Variants in ASIC2 observed in about 807,000 individuals in gnomAD.
ASIC2 encodes the protein acid sensing ion channel subunit 2, also known as acid-sensing ion channel 2.
Under a neutral mutation model 57.3 loss-of-function variants are expected in ASIC2, and 25 were observed. The observed-to-expected ratio is 0.44, with a 90% confidence interval of 0.32 to 0.61. The LOEUF is 0.61. ASIC2 is among the 20% of genes least tolerant of loss of function. The pLI is 0.06. For synonymous variants in ASIC2, 319 were observed against 307.5 expected, an observed-to-expected ratio of 1.04 and a Z score of -0.39; for missense variants, 641 against 738.1, an observed-to-expected ratio of 0.87 and a Z score of 1.52.
chr17:33,587,571 T>C (rs1178272347), intron 1 of ASIC2, among the ~76,000 whole-genome samples: 2 of 152,352 alleles, frequency 1.3e-5, no homozygotes, highest in East Asian at 3.9e-4. Flanking sequence ...TTGACTGCCA[T>C]GATTGGCTTA....
At chr17:34,063,801 A>T (rs1410986286) in intron 1 of ASIC2, among the ~76,000 whole-genome samples, 1 of 152,198 alleles carries the variant, frequency 6.6e-6, no homozygotes, top group Non-Finnish European at 1.5e-5. Context: ...TAAAAGACTT[A>T]GGAACATACC....
chr17:33,204,010 A>G (rs753789457), intron 1 of ASIC2, among the ~76,000 whole-genome samples: 19 of 152,178 alleles, frequency 1.2e-4, no homozygotes, highest in Non-Finnish European at 2.4e-4. Context: ...TCAAGCTGCT[A>G]TTTGGTTGGC....
intron 1 of ASIC2, among the ~76,000 whole-genome samples, chr17:33,127,022 C>G (rs375148764): frequency 1.3e-5 from 2 of 150,628 alleles, no homozygotes; most frequent in Non-Finnish European, 3.0e-5. Flanking sequence ...CGCCCGCCAC[C>G]GCGCCCGGCT....
intron 1 of ASIC2, among the ~76,000 whole-genome samples, chr17:33,754,957 C>CAAAAA (rs58392305): frequency 1.7e-3 from 97 of 57,700 alleles, no homozygotes; most frequent in Non-Finnish European, 2.1e-3. Context: ...GACTCCATCT[C>CAAAAA]AAAAAAAAAA....
intron 1 of ASIC2, among the ~76,000 whole-genome samples, chr17:33,426,866 A>T (rs969740431): frequency 2.0e-5 from 3 of 152,212 alleles, no homozygotes; most frequent in African/African-American, 7.2e-5. Context: ...GGAAAAAACA[A>T]GGTGCTATGG....
At chr17:33,500,691 G>A (rs905859058) in intron 1 of ASIC2, among the ~76,000 whole-genome samples, 6 of 152,206 alleles carry the variant, frequency 3.9e-5, no homozygotes, top group African/African-American at 7.2e-5. Context: ...TGTGGGCAAC[G>A]TTCTGAAACT....
intron 3 of ASIC2, among the ~76,000 whole-genome samples, chr17:33,040,254 C>T (rs1466203086): frequency 6.6e-6 from 1 of 152,228 alleles, no homozygotes; most frequent in Non-Finnish European, 1.5e-5. Context: ...TGAAGAGACA[C>T]ACTCCAATGA....
intron 1 of ASIC2, among the ~76,000 whole-genome samples, chr17:33,994,653 T>G (rs1906098916): frequency 6.6e-6 from 1 of 152,098 alleles, no homozygotes; most frequent in African/African-American, 2.4e-5. Flanking sequence ...AGGACTGAAT[T>G]TTGCAAACTC....
At chr17:34,009,615 C>T (rs1906646513) in intron 1 of ASIC2, among the ~76,000 whole-genome samples, 1 of 152,162 alleles carries the variant, frequency 6.6e-6, no homozygotes, top group Non-Finnish European at 1.5e-5. Flanking sequence ...ATGAGGCTCA[C>T]ATTATATTTC....
At chr17:33,541,696 G>A (rs1915416098) in intron 1 of ASIC2, among the ~76,000 whole-genome samples, 2 of 152,112 alleles carry the variant, frequency 1.3e-5, no homozygotes, top group African/African-American at 4.8e-5. Flanking sequence ...AAAGGAGTGA[G>A]CCACCTTCAT....
intron 1 of ASIC2, among the ~76,000 whole-genome samples, chr17:34,153,758 C>G (rs930289854): frequency 2.6e-5 from 4 of 152,152 alleles, no homozygotes; most frequent in Admixed American, 1.3e-4. Flanking sequence ...AGAGGGCCAG[C>G]CTGAGGAATG....
intron 1 of ASIC2, among the ~76,000 whole-genome samples, chr17:33,603,033 T>G (rs1905146519): frequency 6.6e-6 from 1 of 152,198 alleles, no homozygotes; most frequent in South Asian, 2.1e-4. Flanking sequence ...CAAAATCCCA[T>G]GCCAGTCTTC....
At chr17:33,707,035 A>C (rs1220581403) in intron 1 of ASIC2, among the ~76,000 whole-genome samples, 1 of 152,228 alleles carries the variant, frequency 6.6e-6, no homozygotes, top group Non-Finnish European at 1.5e-5. Flanking sequence ...TTGACTATGC[A>C]TAGAAATCTA....
chr17:33,500,920 C>A (rs1310042952), intron 1 of ASIC2, among the ~76,000 whole-genome samples: 2 of 152,236 alleles, frequency 1.3e-5, no homozygotes, highest in Non-Finnish European at 2.9e-5. Context: ...TTATAGCGTC[C>A]CGCTACAACT....
At chr17:33,670,888 A>G (rs1353971077) in intron 1 of ASIC2, among the ~76,000 whole-genome samples, 1 of 152,240 alleles carries the variant, frequency 6.6e-6, no homozygotes, top group Non-Finnish European at 1.5e-5. Flanking sequence ...TTAAGTTTTA[A>G]AGATAAAATA....
chr17:33,425,167 G>T (rs1433829383), intron 1 of ASIC2, among the ~76,000 whole-genome samples: 1 of 152,216 alleles, frequency 6.6e-6, no homozygotes, highest in East Asian at 1.9e-4. Context: ...TAAAGGACTG[G>T]AGATTAGAAA....
chr17:33,892,603 C>G (rs1440395741), intron 1 of ASIC2, among the ~76,000 whole-genome samples: 1 of 152,218 alleles, frequency 6.6e-6, no homozygotes, highest in Non-Finnish European at 1.5e-5. Flanking sequence ...TACCTGGCAA[C>G]TGACCAGCAT....
intron 1 of ASIC2, among the ~76,000 whole-genome samples, chr17:34,107,520 A>G (rs1911105018): frequency 6.6e-6 from 1 of 152,134 alleles, no homozygotes; most frequent in Non-Finnish European, 1.5e-5. Context: ...AACAGAACAA[A>G]GCAAAACAAA....
rs138167753 is a variant in ASIC2 at position 33,472,816 on chromosome 17, G to C, written c.556-360749C>G. On this transcript the variant is annotated intron_variant, in intron 1 of 9. Coordinates refer to the ASIC2 transcript ENST00000359872. Reference sequence around the variant, plus strand: ...TGGTAACTGACAAGGGATGAGTTTGGTGGGGTGGTGGGGTTTTGGCTGGGG... The same window carrying C: ...TGGTAACTGACAAGGGATGAGTTTGCTGGGGTGGTGGGGTTTTGGCTGGGG... Among the ~76,000 whole-genome samples the C allele has an allele frequency of 2.0e-5, 3 of 152,146 alleles. No individual in the cohort carries two copies. In the South Asian group the frequency reaches 6.2e-4, roughly 32 times the overall value.
Sources: allele counts gnomAD v4.1 joint callset (sites outside exome capture counted in the v4.1 genomes callset), GRCh38; gene constraint gnomAD v4.1.1; transcripts MANE v1.5; gene names NCBI Gene and HGNC (gene_info 2026-07-23, HGNC 2026-07-21).